PRIMA1: variants seen among roughly 807,000 people sequenced by gnomAD.
The protein encoded by PRIMA1 is proline rich membrane anchor 1.
PRIMA1 carries 7 observed loss-of-function variants against 17.5 expected under a neutral mutation model. The ratio of observed to expected loss-of-function variants is 0.40; its 90% CI spans 0.23 to 0.75. The LOEUF (loss-of-function observed/expected upper bound fraction) is 0.75, where lower values mean the gene tolerates loss of function less well. PRIMA1 is among the 30% of genes least tolerant of loss of function. The pLI, the probability that PRIMA1 is intolerant of heterozygous loss-of-function variation, is 0.37. For synonymous variants in PRIMA1, 97 were observed against 77.9 expected, an observed-to-expected ratio of 1.25 and a Z score of -1.29; for missense variants, 200 against 201.8, an observed-to-expected ratio of 0.99 and a Z score of 0.05.
chr14:93,723,286 A>C (rs1377425164), intron 4 of PRIMA1, among the ~76,000 whole-genome samples: 1 of 152,080 alleles, frequency 6.6e-6, no homozygotes, highest in African/African-American at 2.4e-5. Flanking sequence ...CTGGACACTT[A>C]TGGTCATTAT....
At chr14:93,764,673 G>A (rs1884837329) in intron 3 of PRIMA1, among the ~76,000 whole-genome samples, 1 of 152,302 alleles carries the variant, frequency 6.6e-6, no homozygotes, top group East Asian at 1.9e-4. Flanking sequence ...CCCATGATAG[G>A]AGAACACTTG....
chr14:93,753,448 G>T (rs146534005), intron 3 of PRIMA1, among the ~76,000 whole-genome samples: 1,550 of 152,316 alleles, frequency 0.01, 18 homozygotes, highest in Non-Finnish European at 0.015. Flanking sequence ...GGGGCAGATG[G>T]TACAGGGATA....
chr14:93,737,535 A>G lies in PRIMA1; in HGVS notation c.230-165T>C, dbSNP rs1393478741. Among the ~76,000 whole-genome samples the G allele has an allele frequency of 2.0e-5, 3 of 150,234 alleles. 1 individual carries two copies. The highest frequency in any genetic ancestry group is 7.5e-5 in the African/African-American group (3 of 39,934). The stretch of plus-strand genomic sequence containing the variant: ...GCGTGGGGAGGTCACTGGTGGGACC[A>G]TTATGGGTGACACCAACAGAGGCAT... On this transcript the variant is annotated intron_variant, in intron 3 of 4. Transcript: ENST00000393140.
Position 93,718,646 on chromosome 14 carries a change from T to C in PRIMA1, c.*2798A>G, listed in dbSNP as rs936337707. ...CAGTAGTTGTATTTATATATATATA[T>C]ATATGTAGAGATCTCTTTAAATATA... is the stretch of plus-strand genomic sequence containing the variant. On this transcript the variant is annotated 3_prime_UTR_variant, in exon 5 of 5. Coordinates refer to ENST00000393140, the MANE Select transcript of PRIMA1 (RefSeq NM_178013.4). 3.3e-5 allele frequency: 5 copies of C among 151,960 alleles called. No individual in the cohort carries two copies. The highest frequency in any genetic ancestry group is 6.6e-5 in the Admixed American group (1 of 15,206). 9.4% of individuals were successfully genotyped at this position (151,960 alleles called of 1,614,324 possible). A position where few individuals can be genotyped will look rare whatever the true frequency, so the allele number is the denominator to read the frequency against.
chr14:93,771,963 C>T (rs1372884397), intron 3 of PRIMA1, among the ~76,000 whole-genome samples: 2 of 152,204 alleles, frequency 1.3e-5, no homozygotes, highest in Admixed American at 1.3e-4. Context: ...TCCAGCTGGG[C>T]AGCCTAGAAT....
chr14:93,731,947 T>C (rs995158206), intron 4 of PRIMA1, among the ~76,000 whole-genome samples: 4 of 152,184 alleles, frequency 2.6e-5, no homozygotes, highest in Non-Finnish European at 4.4e-5. Flanking sequence ...AGCCCAGCAA[T>C]AAGTGGTGCT....
intron 3 of PRIMA1, among the ~76,000 whole-genome samples, chr14:93,773,097 C>A (rs1300830775): frequency 6.6e-6 from 1 of 152,212 alleles, no homozygotes; most frequent in Non-Finnish European, 1.5e-5. Flanking sequence ...AATCACTTAG[C>A]TAATGAACAA....
At chr14:93,742,357 C>A (rs967544054) in intron 3 of PRIMA1, among the ~76,000 whole-genome samples, 1 of 152,214 alleles carries the variant, frequency 6.6e-6, no homozygotes, top group Non-Finnish European at 1.5e-5. Context: ...AGAGAGTGAA[C>A]AACACAGATG....
chr14:93,722,540 A>AC (rs1348761054), intron 4 of PRIMA1, among the ~76,000 whole-genome samples: 1 of 146,988 alleles, frequency 6.8e-6, no homozygotes, highest in African/African-American at 2.5e-5. Flanking sequence ...TGATGGTGAT[A>AC]CTCGTGATGG....
At chr14:93,778,261 T>C (rs1425241284) in intron 3 of PRIMA1, among the ~76,000 whole-genome samples, 1 of 152,146 alleles carries the variant, frequency 6.6e-6, no homozygotes, top group East Asian at 1.9e-4. Flanking sequence ...GGGCCAGGCT[T>C]TGAGAAGGAA....
chr14:93,748,828 A>T (rs968289140), intron 3 of PRIMA1, among the ~76,000 whole-genome samples: 1 of 152,036 alleles, frequency 6.6e-6, no homozygotes, highest in Non-Finnish European at 1.5e-5. Flanking sequence ...ATACATTATT[A>T]ATAATTGTCT....
At chr14:93,744,403 C>A (rs1011863814) in intron 3 of PRIMA1, among the ~76,000 whole-genome samples, 2 of 152,228 alleles carry the variant, frequency 1.3e-5, no homozygotes, top group Non-Finnish European at 1.5e-5. Context: ...GGTGCCCTTG[C>A]GGAGGCCGGT....
At chr14:93,747,534 T>A (rs1315433958) in intron 3 of PRIMA1, among the ~76,000 whole-genome samples, 1 of 150,484 alleles carries the variant, frequency 6.6e-6, no homozygotes, top group Non-Finnish European at 1.5e-5. Flanking sequence ...AGGCAGGAGG[T>A]GGAGTGTGTG....
At chr14:93,734,506 C>G (rs1297386694) in intron 4 of PRIMA1, among the ~76,000 whole-genome samples, 1 of 152,214 alleles carries the variant, frequency 6.6e-6, no homozygotes, top group African/African-American at 2.4e-5. Context: ...TAGTTTCCCG[C>G]TTGCCTGTCT....
chr14:93,775,582 T>TCC (rs1401195693), intron 3 of PRIMA1, among the ~76,000 whole-genome samples: 1 of 152,200 alleles, frequency 6.6e-6, no homozygotes, highest in African/African-American at 2.4e-5. Context: ...CACTGCAACC[T>TCC]CCGCCTCCGT....
intron 3 of PRIMA1, among the ~76,000 whole-genome samples, chr14:93,777,850 G>A (rs1196452865): frequency 6.6e-6 from 1 of 152,208 alleles, no homozygotes; most frequent in East Asian, 1.9e-4. Context: ...TGCTCAGTGA[G>A]CACAAGAAGA....
intron 3 of PRIMA1, among the ~76,000 whole-genome samples, chr14:93,742,537 C>A (rs1184722966): frequency 6.6e-6 from 1 of 152,152 alleles, no homozygotes; most frequent in Non-Finnish European, 1.5e-5. Flanking sequence ...TTTGGATGTG[C>A]CCACCTGTAT....
chr14:93,752,573 C>T (rs1315934597), intron 3 of PRIMA1, among the ~76,000 whole-genome samples: 1 of 152,214 alleles, frequency 6.6e-6, no homozygotes, highest in African/African-American at 2.4e-5. Context: ...GGCAGTTGGG[C>T]CACTGTGGTG....
intron 1 of PRIMA1, among the ~76,000 whole-genome samples, chr14:93,788,127 C>A (rs543795225): frequency 1.3e-5 from 2 of 152,180 alleles, no homozygotes; most frequent in African/African-American, 2.4e-5. Flanking sequence ...GCACTACTCA[C>A]CTGCGCGCAC....
Sources: allele counts gnomAD v4.1 joint callset (sites outside exome capture counted in the v4.1 genomes callset), GRCh38; gene constraint gnomAD v4.1.1; transcripts MANE v1.5; gene names NCBI Gene and HGNC (gene_info 2026-07-23, HGNC 2026-07-21).